Variants in COL25A1 observed in about 807,000 individuals in gnomAD.
COL25A1 encodes the protein collagen type XXV alpha 1 chain.
A neutral mutation model predicts 128.4 loss-of-function variants in COL25A1; 103 were observed. The ratio of observed to expected loss-of-function variants is 0.80; its 90% CI spans 0.68 to 0.94. The LOEUF (loss-of-function observed/expected upper bound fraction) is 0.94, where lower values mean the gene tolerates loss of function less well. Among genes scored for constraint, COL25A1 ranks in the 40% least tolerant of loss-of-function variants. The pLI, the probability that COL25A1 is intolerant of heterozygous loss-of-function variation, is 0.00. For missense variants in COL25A1, 745 were observed against 840.0 expected (o/e 0.89, Z 1.40); for synonymous variants, 279 against 277.2 (o/e 1.01, Z -0.06).
intron 30 of COL25A1, among the ~76,000 whole-genome samples, chr4:108,844,262 T>C (rs1734812109): frequency 6.6e-6 from 1 of 152,242 alleles, no homozygotes; most frequent in South Asian, 2.1e-4. Context: ...TGTAAAGTTG[T>C]AGTAGAGCTT....
intron 3 of COL25A1, among the ~76,000 whole-genome samples, chr4:109,283,335 C>T (rs1293560572): frequency 1.3e-5 from 2 of 152,144 alleles, no homozygotes; most frequent in African/African-American, 4.8e-5. Context: ...TAACCTCGAA[C>T]TTCTGGGCTC....
chr4:109,220,747 T>C lies in COL25A1; in HGVS notation c.367+79836A>G, dbSNP rs548105269. Among the ~76,000 whole-genome samples, 50 of 152,266 alleles carry C rather than the reference T, an allele frequency of 3.3e-4. 1 individual carries two copies. In the South Asian group the frequency reaches 9.7e-3, roughly 30 times the overall value. ...TTCTGGAAACTAAATTCAAATTCCT[T>C]TAGAGCACATGGAAACAATTTTCTT... On this transcript the variant is annotated intron_variant, in intron 3 of 37. Transcript: ENST00000399132.
At chr4:108,866,203 T>C (rs1737895825) in intron 20 of COL25A1, among the ~76,000 whole-genome samples, 2 of 150,164 alleles carry the variant, frequency 1.3e-5, no homozygotes, top group Admixed American at 6.6e-5. Flanking sequence ...TCTTTCTTTT[T>C]TTTTTTTTTT....
At chr4:108,947,998 C>A (rs1748975441) in intron 8 of COL25A1, among the ~76,000 whole-genome samples, 1 of 152,182 alleles carries the variant, frequency 6.6e-6, no homozygotes, top group Non-Finnish European at 1.5e-5. Flanking sequence ...GCCCAAAATA[C>A]ATCATGCATT....
At chr4:109,270,293 G>A (rs1782105294) in intron 3 of COL25A1, among the ~76,000 whole-genome samples, 1 of 152,182 alleles carries the variant, frequency 6.6e-6, no homozygotes, top group Admixed American at 6.5e-5. Flanking sequence ...CCTGTTTGCA[G>A]ATGACATGAC....
chr4:108,961,523 G>T (rs10003985), intron 8 of COL25A1, among the ~76,000 whole-genome samples: 46,218 of 149,950 alleles, frequency 0.31, 7,613 homozygotes, highest in South Asian at 0.46. Flanking sequence ...CGCATATGAT[G>T]ACAGCATATG....
chr4:108,843,800 C>A (rs1276640600), intron 30 of COL25A1, among the ~76,000 whole-genome samples: 6 of 152,042 alleles, frequency 3.9e-5, no homozygotes, highest in African/African-American at 1.4e-4. Flanking sequence ...TATTTTGATA[C>A]CTTATACATA....
In COL25A1 at chr4:109,011,789, T is replaced by C. The variant is rs141517450; in HGVS notation, c.421-1414A>G. On this transcript the variant is annotated intron_variant, in intron 5 of 37. Coordinates refer to ENST00000399132, the MANE Select transcript of COL25A1 (RefSeq NM_198721.4). ...CATACAGACTTGTTCAGATCAACTA[T>C]GGTACAAGAGCATTCTTCAAGTGCT... Among the ~76,000 whole-genome samples, 163 of 152,338 alleles carry C rather than the reference T, an allele frequency of 1.1e-3. 1 individual carries two copies. The highest frequency in any genetic ancestry group is 1.9e-3 in the South Asian group (9 of 4,820).
chr4:108,860,252 C>A (rs1446980866), intron 23 of COL25A1, among the ~76,000 whole-genome samples: 1 of 152,064 alleles, frequency 6.6e-6, no homozygotes, highest in Non-Finnish European at 1.5e-5. Context: ...CCACCATGAC[C>A]AGCTAGTTTT....
chr4:109,089,858 G>T (rs952566469), intron 3 of COL25A1, among the ~76,000 whole-genome samples: 6 of 151,948 alleles, frequency 3.9e-5, no homozygotes, highest in African/African-American at 1.4e-4. Context: ...GCCTGACTCG[G>T]CTTCCAAAAG....
chr4:109,300,482 T>C, intron 3 of COL25A1, 101 bp downstream of exon 3: 1 of 776,918 alleles, frequency 1.3e-6, no homozygotes, highest in Non-Finnish European at 2.2e-6. Flanking sequence ...GGGTCTGCAT[T>C]CTTTCTTTAC....
intron 3 of COL25A1, among the ~76,000 whole-genome samples, chr4:109,053,875 G>A (rs1369467536): frequency 6.6e-6 from 1 of 152,158 alleles, no homozygotes. Flanking sequence ...GTCTGCTTTT[G>A]GAGAGCAGGT....
intron 8 of COL25A1, among the ~76,000 whole-genome samples, chr4:108,951,700 T>G (rs1749459669): frequency 6.6e-6 from 1 of 152,238 alleles, no homozygotes; most frequent in Admixed American, 6.5e-5. Context: ...TATTTTTTCT[T>G]AAGTTTTAAA....
chr4:109,283,378 C>G (rs1205496861), intron 3 of COL25A1, among the ~76,000 whole-genome samples: 1 of 152,130 alleles, frequency 6.6e-6, no homozygotes, highest in African/African-American at 2.4e-5. Context: ...CACCAAGTAG[C>G]TGGGACTACC....
chr4:109,159,067 G>A (rs758829714), intron 3 of COL25A1, among the ~76,000 whole-genome samples: 11 of 152,054 alleles, frequency 7.2e-5, no homozygotes, highest in Admixed American at 3.3e-4. Flanking sequence ...ACAGACTTCC[G>A]ATGTTACTAT....
At chr4:108,924,533 G>C (rs940400125) in intron 11 of COL25A1, among the ~76,000 whole-genome samples, 2 of 152,058 alleles carry the variant, frequency 1.3e-5, no homozygotes, top group African/African-American at 4.8e-5. Context: ...TCCTACTTCA[G>C]TCCATCAGAT....
intron 8 of COL25A1, among the ~76,000 whole-genome samples, chr4:108,970,932 T>A (rs1485361131): frequency 6.6e-6 from 1 of 152,176 alleles, no homozygotes; most frequent in Admixed American, 6.5e-5. Flanking sequence ...ACCACATTTT[T>A]AAAAATCACA....
chr4:109,156,174 T>C (rs1772011665), intron 3 of COL25A1, among the ~76,000 whole-genome samples: 1 of 152,188 alleles, frequency 6.6e-6, no homozygotes, highest in Non-Finnish European at 1.5e-5. Flanking sequence ...CATGGTGCTT[T>C]GGGACAAGTC....
intron 23 of COL25A1, among the ~76,000 whole-genome samples, chr4:108,860,577 T>C (rs767305472): frequency 3.3e-5 from 5 of 152,156 alleles, no homozygotes; most frequent in Admixed American, 1.3e-4. Flanking sequence ...AATTCCCTTT[T>C]TTTTTAAAAA....
Sources: allele counts gnomAD v4.1 joint callset (sites outside exome capture counted in the v4.1 genomes callset), GRCh38; gene constraint gnomAD v4.1.1; transcripts MANE v1.5; gene names NCBI Gene and HGNC (gene_info 2026-07-23, HGNC 2026-07-21).